The following SNCAIP variants were observed in gnomAD, a reference collection of about 807,000 sequenced individuals.
SNCAIP encodes the protein synuclein alpha interacting protein, also known as synphilin-1.
In SNCAIP, 43 loss-of-function variants were observed where a neutral mutation model predicts 86.7. That is an observed-to-expected ratio of 0.50 (90% CI 0.39 to 0.64). The LOEUF is 0.64. Ranked by LOEUF, SNCAIP falls within the 30% of genes least tolerant of loss-of-function variation. The pLI is 0.00. For missense variants in SNCAIP, 981 were observed against 1,103.1 expected, an observed-to-expected ratio of 0.89 and a Z score of 1.57; for synonymous variants, 417 against 427.2, an observed-to-expected ratio of 0.98 and a Z score of 0.29.
In SNCAIP at chr5:122,451,348, G is replaced by C. The variant is rs777607496; in HGVS notation, c.2501G>C (p.Gly834Ala). 1.2e-6 allele frequency: 2 copies of C among 1,614,000 alleles called. No homozygotes were observed. The highest frequency in any genetic ancestry group is 1.7e-6 in the Non-Finnish European group (2 of 1,180,014). ...QMEQPSLELNGEKDKDKGRTL... is the reference protein window; with the variant it reads ...QMEQPSLELNAEKDKDKGRTL... The stretch of plus-strand genomic sequence containing the variant: ...GAGCAGCCTAGCCTTGAACTGAATG[G>C]AGAAAAAGACAAAGATAAGGGCAGG... Residue 834 changes from glycine to alanine, a missense_variant, in exon 10 of 11, where the codon GGA (glycine) becomes GCA (alanine). Physicochemically the swap from Gly to Ala is moderately conservative, Grantham distance 60. Transcript: ENST00000261368.
intron 2 of SNCAIP, chr5:122,401,241 A>G (rs758332598): frequency 3.1e-5 from 31 of 1,002,922 alleles, no homozygotes; most frequent in Non-Finnish European, 4.4e-5. Context: ...GCATACTTGT[A>G]AGGGAGACTT....
At chr5:122,411,117 G>A (rs570081451) in intron 3 of SNCAIP, among the ~76,000 whole-genome samples, 19 of 152,246 alleles carry the variant, frequency 1.2e-4, no homozygotes, top group African/African-American at 4.3e-4. Context: ...CCCCAAACTG[G>A]TAAGTAAAGA....
upstream of SNCAIP, chr5:122,312,023 G>C (rs1387759556): frequency 6.8e-6 from 1 of 146,978 alleles, no homozygotes; most frequent in African/African-American, 2.4e-5. Flanking sequence ...GTCCCCGGCC[G>C]GGCGCCCGCG....
At chr5:122,400,636 G>A (rs1771602093) in intron 2 of SNCAIP, among the ~76,000 whole-genome samples, 1 of 152,240 alleles carries the variant, frequency 6.6e-6, no homozygotes. Flanking sequence ...GGGCTTCATG[G>A]AGAAGCAGAA....
chr5:122,412,682 A>G (rs1047387069), intron 3 of SNCAIP, among the ~76,000 whole-genome samples: 6 of 152,102 alleles, frequency 3.9e-5, no homozygotes, highest in Non-Finnish European at 5.9e-5. Context: ...GCTGCTGTGA[A>G]TCCCCGCCAT....
chr5:122,443,272 G>A (rs567571016), intron 7 of SNCAIP, among the ~76,000 whole-genome samples: 1 of 152,112 alleles, frequency 6.6e-6, no homozygotes, highest in Non-Finnish European at 1.5e-5. Flanking sequence ...GATTAATCCA[G>A]GTTTGCAGTC....
chr5:122,426,709 A>G (rs1257136837), intron 5 of SNCAIP, among the ~76,000 whole-genome samples: 1 of 152,168 alleles, frequency 6.6e-6, no homozygotes, highest in Admixed American at 6.5e-5. Flanking sequence ...TCAGGCAGCT[A>G]TCATGAAGAA....
chr5:122,444,420 T>C, intron 7 of SNCAIP, 143 bp from the exon 8 acceptor site: 2 of 770,126 alleles, frequency 2.6e-6, no homozygotes, highest in Non-Finnish European at 4.7e-6. Flanking sequence ...TACATCATCA[T>C]AGACTCTGAA....
intron 1 of SNCAIP, among the ~76,000 whole-genome samples, chr5:122,384,324 C>T (rs1334042095): frequency 1.3e-5 from 2 of 152,096 alleles, no homozygotes; most frequent in Non-Finnish European, 2.9e-5. Context: ...AATTATGGTG[C>T]ATACCTTCTG....
intron 5 of SNCAIP, among the ~76,000 whole-genome samples, chr5:122,430,703 T>C (rs1431924398): frequency 1.3e-5 from 2 of 152,152 alleles, no homozygotes; most frequent in Non-Finnish European, 2.9e-5. Flanking sequence ...TGATTGCTTT[T>C]TGAGAGAAGT....
chr5:122,356,095 C>CTTT (rs757246404), intron 1 of SNCAIP, among the ~76,000 whole-genome samples: 12 of 102,760 alleles, frequency 1.2e-4, no homozygotes, highest in East Asian at 2.8e-4. Flanking sequence ...GTTAGCCTTT[C>CTTT]TTTTTTTTTT....
At chr5:122,346,784 A>G (rs1358300063) in intron 1 of SNCAIP, among the ~76,000 whole-genome samples, 1 of 151,686 alleles carries the variant, frequency 6.6e-6, no homozygotes, top group Non-Finnish European at 1.5e-5. Context: ...AGTAGGGTTG[A>G]AATGATCTAG....
chr5:122,456,193 G>A (rs578259812), intron 10 of SNCAIP, among the ~76,000 whole-genome samples: 1 of 152,276 alleles, frequency 6.6e-6, no homozygotes, highest in South Asian at 2.1e-4. Flanking sequence ...TTAGCATAGA[G>A]TCCTTAAAAA....
intron 3 of SNCAIP, among the ~76,000 whole-genome samples, chr5:122,414,362 C>A (rs893370646): frequency 6.7e-6 from 1 of 150,126 alleles, no homozygotes; most frequent in African/African-American, 2.5e-5. Context: ...TCCTGAGTAG[C>A]TGGGATTACA....
rs562237714 is a variant in SNCAIP at position 122,454,049 on chromosome 5, G to A, written c.2754+2448G>A. The stretch of plus-strand genomic sequence containing the variant: ...GCTGGGTTTACAGGCGTGAGCCACC[G>A]CACCCAGTCATAAAAGACTATCACT... On this transcript the variant is annotated intron_variant, in intron 10 of 10. Coordinates refer to ENST00000261368, the MANE Select transcript of SNCAIP (RefSeq NM_005460.4). Among the ~76,000 whole-genome samples the A allele has an allele frequency of 7.2e-5, 11 of 152,218 alleles. No individual in the cohort carries two copies. In the East Asian group the frequency reaches 7.7e-4, roughly 11 times the overall value.
At chr5:122,428,673 C>T (rs905569871) in intron 5 of SNCAIP, among the ~76,000 whole-genome samples, 6 of 151,512 alleles carry the variant, frequency 4.0e-5, no homozygotes, top group African/African-American at 1.5e-4. Flanking sequence ...ATACATGGGC[C>T]GTGTTGGTTT....
At chr5:122,433,976 A>G (rs1372755415) in intron 6 of SNCAIP, among the ~76,000 whole-genome samples, 1 of 152,178 alleles carries the variant, frequency 6.6e-6, no homozygotes, top group East Asian at 1.9e-4. Context: ...TCAATACCCT[A>G]TAGTGTATTA....
At chr5:122,360,142 T>C (rs1761921742) in intron 1 of SNCAIP, among the ~76,000 whole-genome samples, 1 of 152,196 alleles carries the variant, frequency 6.6e-6, no homozygotes, top group African/African-American at 2.4e-5. Context: ...TTTGTTAACA[T>C]TTTGATGTCA....
At chr5:122,431,639 G>A (rs1337405455) in intron 5 of SNCAIP, among the ~76,000 whole-genome samples, 2 of 152,012 alleles carry the variant, frequency 1.3e-5, no homozygotes, top group Non-Finnish European at 2.9e-5. Context: ...TATAGTTACA[G>A]GAGTATACAT....
Sources: allele counts gnomAD v4.1 joint callset (sites outside exome capture counted in the v4.1 genomes callset), GRCh38; gene constraint gnomAD v4.1.1; transcripts MANE v1.5; gene names NCBI Gene and HGNC (gene_info 2026-07-23, HGNC 2026-07-21).